The following HUNK variants were observed in gnomAD, a reference collection of about 807,000 sequenced individuals.
HUNK encodes hormonally up-regulated neu tumor-associated kinase.
In HUNK, 21 loss-of-function variants were observed where a neutral mutation model predicts 61.0. The observed-to-expected ratio is 0.34, with a 90% confidence interval of 0.24 to 0.50. The LOEUF is 0.50. Among genes scored for constraint, HUNK ranks in the 20% least tolerant of loss-of-function variants. The pLI, the probability that HUNK is intolerant of heterozygous loss-of-function variation, is 0.98. For missense variants in HUNK, 772 were observed against 945.7 expected (o/e 0.82, Z 2.41); for synonymous variants, 371 against 386.1 (o/e 0.96, Z 0.46).
At chr21:31,954,020 TGAG>T (rs767440615) in intron 4 of HUNK, among the ~76,000 whole-genome samples, 3 of 152,182 alleles carry the variant, frequency 2.0e-5, no homozygotes, top group Non-Finnish European at 4.4e-5. Flanking sequence ...TGCAGTGACT[TGAG>T]GAGATTTTTG....
At chr21:31,915,556 A>G (rs1229341898) in intron 1 of HUNK, among the ~76,000 whole-genome samples, 2 of 152,206 alleles carry the variant, frequency 1.3e-5, no homozygotes, top group African/African-American at 4.8e-5. Flanking sequence ...CTCTTTGATC[A>G]GTATATTTTT....
At chr21:31,986,408 G>A (rs187427140) in intron 8 of HUNK, among the ~76,000 whole-genome samples, 56 of 152,128 alleles carry the variant, frequency 3.7e-4, no homozygotes, top group Admixed American at 2.9e-3. Flanking sequence ...CATCACCTCT[G>A]TCCTGGACTT....
At chr21:31,895,505 A>G (rs1349806876) in intron 1 of HUNK, among the ~76,000 whole-genome samples, 1 of 152,042 alleles carries the variant, frequency 6.6e-6, no homozygotes, top group Non-Finnish European at 1.5e-5. Context: ...TGGAACAGAG[A>G]TTTTTCTTTT....
chr21:31,878,077 G>A (rs2052278697), intron 1 of HUNK, among the ~76,000 whole-genome samples: 1 of 151,692 alleles, frequency 6.6e-6, no homozygotes, highest in South Asian at 2.1e-4. Flanking sequence ...TGGCCAACAT[G>A]GTGAAACCCT....
rs1007410992 is a variant in HUNK at position 31,891,037 on chromosome 21, C to T, written c.261+17102C>T. Among the ~76,000 whole-genome samples the T allele has an allele frequency of 1.6e-4, 24 of 151,950 alleles. No homozygotes were observed. In the East Asian group the frequency reaches 4.1e-3, roughly 26 times the overall value. ...AATTAGCAAAGAATGATTTGAGAACCGAGCACCCCCCAGCCCTGGCCCCCA... is the reference window on the plus strand; with the variant it reads ...AATTAGCAAAGAATGATTTGAGAACTGAGCACCCCCCAGCCCTGGCCCCCA... On this transcript the variant is annotated intron_variant, in intron 1 of 10. Coordinates refer to ENST00000270112, the MANE Select transcript of HUNK (RefSeq NM_014586.2).
chr21:31,951,822 A>G (rs1176040700), intron 4 of HUNK, among the ~76,000 whole-genome samples: 1 of 152,218 alleles, frequency 6.6e-6, no homozygotes, highest in African/African-American at 2.4e-5. Context: ...AAGTACTACC[A>G]GATATCATCA....
rs553183945 is a variant in HUNK, at chr21:31,949,597, A to C, written c.746+3426A>C. On this transcript the variant is annotated intron_variant, in intron 4 of 10. Transcript: ENST00000270112. ...TGTGCACACACACACACACACACGC[A>C]CACAAAAGCACAAAAGGCTATGGGA... Among the ~76,000 whole-genome samples the C allele has an allele frequency of 8.3e-4, 126 of 152,004 alleles. 1 individual carries two copies. Among genetic ancestry groups the C allele is most frequent in the African/African-American group, 2.9e-3 (121 of 41,300 alleles).
At chr21:31,880,144 G>A (rs1016654500) in intron 1 of HUNK, among the ~76,000 whole-genome samples, 3 of 152,148 alleles carry the variant, frequency 2.0e-5, no homozygotes, top group East Asian at 1.9e-4. Flanking sequence ...AGTGTTTTAC[G>A]GTTTTTTTCA....
intron 1 of HUNK, among the ~76,000 whole-genome samples, chr21:31,921,338 T>G (rs2052621358): frequency 6.6e-6 from 1 of 151,720 alleles, no homozygotes; most frequent in African/African-American, 2.4e-5. Flanking sequence ...AAGCCATGAC[T>G]TACATCTTAC....
chr21:31,948,607 A>G (rs2052826609), intron 4 of HUNK, among the ~76,000 whole-genome samples: 1 of 151,960 alleles, frequency 6.6e-6, no homozygotes, highest in African/African-American at 2.4e-5. Context: ...GAGGGAGGAG[A>G]AAAAGGAGGT....
chr21:31,995,589 G>C (rs1279501799), intron 9 of HUNK, among the ~76,000 whole-genome samples, 179 bp from the exon 10 acceptor site: 1 of 152,240 alleles, frequency 6.6e-6, no homozygotes. Context: ...GGCAGAGGGA[G>C]ATGGGCTTCC....
At chr21:31,917,845 C>G (rs2052596401) in intron 1 of HUNK, among the ~76,000 whole-genome samples, 1 of 151,804 alleles carries the variant, frequency 6.6e-6, no homozygotes, top group Non-Finnish European at 1.5e-5. Flanking sequence ...TTGGTAAGAG[C>G]CATTGATTGG....
intron 8 of HUNK, among the ~76,000 whole-genome samples, chr21:31,987,913 T>G (rs193278767): frequency 6.6e-6 from 1 of 152,274 alleles, no homozygotes; most frequent in Non-Finnish European, 1.5e-5. Context: ...GGTTTCAGAT[T>G]GTGAGCAAAC....
chr21:31,932,090 C>G (rs577193934), intron 2 of HUNK, among the ~76,000 whole-genome samples: 2 of 152,360 alleles, frequency 1.3e-5, no homozygotes, highest in South Asian at 2.1e-4. Flanking sequence ...CTCTCCCCCA[C>G]GTGCATGCAC....
Position 31,999,089 on chromosome 21 carries a change from G to A in HUNK, c.2050G>A (p.Asp684Asn). ...CCATCAGAGTCTGCAGCCATCTGCA[G>A]ATAGGCCCCTGGAGGCCAGCCTGCC... ...KRHQSLQPSA[D>N]RPLEASLPPL... The change falls in exon 11 of 11, where the codon GAT becomes AAT. Residue 684 changes from aspartate (D) to asparagine (N), a missense_variant. Around this residue, in one of 2 missense-constraint regions of HUNK, gnomAD observed 413 missense variants for 444.4 expected, o/e 0.93. Transcript: ENST00000270112. 1 of 1,614,242 alleles carries A rather than the reference G, an allele frequency of 6.2e-7. No individual in the cohort carries two copies. Among genetic ancestry groups the A allele is most frequent in the Non-Finnish European group, 8.5e-7 (1 of 1,180,040 alleles).
chr21:31,899,126 A>T (rs2052445668), intron 1 of HUNK, among the ~76,000 whole-genome samples: 1 of 140,592 alleles, frequency 7.1e-6, no homozygotes, highest in African/African-American at 2.8e-5. Context: ...CGAGGCTGGC[A>T]ACGACTTCCT....
chr21:31,950,400 G>A (rs1335266132), intron 4 of HUNK, among the ~76,000 whole-genome samples: 1 of 152,196 alleles, frequency 6.6e-6, no homozygotes, highest in African/African-American at 2.4e-5. Context: ...GGTTAAGTCA[G>A]GAAGGCATCT....
chr21:31,890,691 C>T (rs1159508497), intron 1 of HUNK, among the ~76,000 whole-genome samples: 1 of 152,172 alleles, frequency 6.6e-6, no homozygotes, highest in Non-Finnish European at 1.5e-5. Context: ...GTATGTTCAT[C>T]TCTGAGTCAT....
At chr21:31,921,712 C>A (rs2052623781) in intron 1 of HUNK, among the ~76,000 whole-genome samples, 1 of 152,170 alleles carries the variant, frequency 6.6e-6, no homozygotes, top group Non-Finnish European at 1.5e-5. Flanking sequence ...AGGTGACATC[C>A]ATGCCTTAGT....
Sources: gnomAD v4.1 joint callset for allele counts (sites outside exome capture counted in the v4.1 genomes callset) on GRCh38, gnomAD v4.1.1 for gene constraint, gnomAD v4.1.1 regional missense constraint, MANE v1.5 for transcripts, NCBI Gene and HGNC (gene_info 2026-07-23, HGNC 2026-07-21) for gene names.